The following RRBP1 variants were observed in gnomAD, a reference collection of about 807,000 sequenced individuals.
RRBP1 encodes ribosome binding protein 1, also known as ribosome-binding protein 1.
In RRBP1, 94 loss-of-function variants were observed where a neutral mutation model predicts 165.2. That is an observed-to-expected ratio of 0.57 (90% CI 0.48 to 0.68). The LOEUF is 0.68. Among genes scored for constraint, RRBP1 ranks in the 30% least tolerant of loss-of-function variants. RRBP1 has a pLI of 0.00. For synonymous variants in RRBP1, 680 were observed against 714.5 expected (o/e 0.95, Z 0.77); for missense variants, 1,676 against 1,763.0 (o/e 0.95, Z 0.88).
At position 17,675,394 on chromosome 20, in the gene RRBP1, T is replaced by C. The variant is rs545046551; in HGVS notation, c.-22+4605A>G. On this transcript the variant is annotated intron_variant, in intron 2 of 24. Transcript: ENST00000377813. ...AGAATGGGCACCTATTGCATGCTAGTCACTGCCCTCGACACTGGATATACC... is the reference window on the plus strand; with the variant it reads ...AGAATGGGCACCTATTGCATGCTAGCCACTGCCCTCGACACTGGATATACC... Among the ~76,000 whole-genome samples the C allele has an allele frequency of 1.5e-3, 221 of 152,342 alleles. 2 individuals are homozygous for C. The highest frequency in any genetic ancestry group is 2.5e-3 in the Non-Finnish European group (170 of 68,040).
chr20:17,634,699 ATT>A (rs565751021), intron 7 of RRBP1, among the ~76,000 whole-genome samples: 52 of 152,286 alleles, frequency 3.4e-4, no homozygotes, highest in African/African-American at 9.9e-4. Flanking sequence ...ACGCCAGAGA[ATT>A]TCTCAGTCCC....
At chr20:17,674,695 C>G (rs1296076151) in intron 2 of RRBP1, among the ~76,000 whole-genome samples, 2 of 152,058 alleles carry the variant, frequency 1.3e-5, no homozygotes, top group African/African-American at 2.4e-5. Flanking sequence ...GAGGGCAGAG[C>G]TTGCAGTGAG....
rs1290062415 is a variant in RRBP1 at position 17,658,965 on chromosome 20, C to A, written c.1543G>T (p.Ala515Ser). 1.9e-6 allele frequency: 3 copies of A among 1,612,482 alleles called. No individual in the cohort carries two copies. The highest frequency in any genetic ancestry group is 2.5e-6 in the Non-Finnish European group (3 of 1,179,740). ...AQNQGQKGEG[A>S]QNQGKKTEGA... ...TCTGTCTTTTTACCCTGATTCTGGG[C>A]TCCCTCTCCTTTTTGGCCCTGGTTC... Residue 515 changes from alanine (A) to serine (S), a missense_variant, in exon 3 of 25, where the codon GCC becomes TCC. By Grantham distance (99) the Ala-to-Ser change is moderately conservative (BLOSUM62 1). Around this residue, in one of 5 missense-constraint regions of RRBP1, gnomAD observed 1,184 missense variants for 1,167.1 expected, o/e 1.01. Transcript: ENST00000377813.
intron 3 of RRBP1, among the ~76,000 whole-genome samples, chr20:17,646,844 G>A (rs186695186): frequency 6.6e-6 from 1 of 152,264 alleles, no homozygotes; most frequent in Admixed American, 6.5e-5. Flanking sequence ...GATCCCCCAT[G>A]GCCAGGGCTC....
intron 3 of RRBP1, among the ~76,000 whole-genome samples, chr20:17,644,672 T>C (rs1007680852): frequency 3.3e-5 from 5 of 152,206 alleles, no homozygotes; most frequent in African/African-American, 1.2e-4. Flanking sequence ...AAAAGCGTCC[T>C]GCGCCGTCCG....
At chr20:17,681,507 C>G (rs1427515282) in intron 1 of RRBP1, among the ~76,000 whole-genome samples, 1 of 145,684 alleles carries the variant, frequency 6.9e-6, no homozygotes, top group Admixed American at 6.8e-5. Context: ...CCATTCAATC[C>G]CGCCCTCCTC....
At position 17,641,897 on chromosome 20, in the gene RRBP1, A is replaced by C; in HGVS notation, c.2084T>G (p.Val695Gly). Residue 695 changes from valine to glycine, a missense_variant, in exon 5 of 25, where the codon GTG becomes GGG. This residue lies in a region of RRBP1 where 1,184 missense variants were observed against 1,167.1 expected (regional missense o/e 1.01). Transcript: ENST00000377813. ...WHKATQKGDP[V>G]AILKRQLEEK... ...TTCCAGCTGGCGTTTCAGAATCGCC[A>C]CAGGGTCACCCTTCTGAGTGGCCTA... The C allele has an allele frequency of 6.2e-7, 1 of 1,614,026 alleles. No individual in the cohort carries two copies. The highest frequency in any genetic ancestry group is 8.5e-7 in the Non-Finnish European group (1 of 1,179,932).
rs771325058 is a variant in RRBP1 at position 17,636,681 on chromosome 20, T to G, written c.2233A>C (p.Lys745Gln). 6.2e-7 allele frequency: 1 copy of G among 1,613,406 alleles called. No individual in the cohort carries two copies. Among genetic ancestry groups the G allele is most frequent in the Non-Finnish European group, 8.5e-7 (1 of 1,180,032 alleles). The change falls in exon 6 of 25, where the codon AAA becomes CAA. Residue 745 changes from lysine (K) to glutamine (Q), a missense_variant. Physicochemically the swap from Lys to Gln is moderately conservative, Grantham distance 53. Transcript: ENST00000377813. ...TGCTCCCGGGCCACCAGCTGCTTTT[T>G]CACTTTGGCCTCCCCGGCTGCTGCT... is the stretch of plus-strand genomic sequence containing the variant. Reference protein sequence around the residue: ...AKAAAGEAKVKKQLVAREQEI... With the variant: ...AKAAAGEAKVQKQLVAREQEI...
Position 17,616,722 on chromosome 20 carries a change from C to A in RRBP1, c.3867+10G>T, listed in dbSNP as rs752533144. On this transcript the variant is annotated intron_variant, in intron 21 of 24. Coordinates refer to ENST00000377813, the MANE Select transcript of RRBP1 (RefSeq NM_001365613.2). ...AGTGATGTGTCTGGGGACCAGCTCA[C>A]CGCCCTAACCTGAACGGGGTCCTGC... The A allele has an allele frequency of 6.3e-7, 1 of 1,589,714 alleles. No individual in the cohort carries two copies. The highest frequency in any genetic ancestry group is 1.7e-5 in the Admixed American group (1 of 57,222).
At chr20:17,675,194 G>A (rs2037054852) in intron 2 of RRBP1, among the ~76,000 whole-genome samples, 1 of 152,274 alleles carries the variant, frequency 6.6e-6, no homozygotes, top group Non-Finnish European at 1.5e-5. Flanking sequence ...CTCTGCATGT[G>A]ACTGTCAATT....
intron 2 of RRBP1, among the ~76,000 whole-genome samples, chr20:17,664,180 C>CA (rs1244362293): frequency 6.6e-6 from 1 of 152,168 alleles, no homozygotes; most frequent in African/African-American, 2.4e-5. Flanking sequence ...AAGGGTGACT[C>CA]AAACACACGC....
intron 3 of RRBP1, among the ~76,000 whole-genome samples, chr20:17,649,839 G>GC (rs1600759804): frequency 6.6e-6 from 1 of 152,070 alleles, no homozygotes; most frequent in Non-Finnish European, 1.5e-5. Context: ...GAGCTCACAG[G>GC]CCCCCTCCCA....
At chr20:17,629,333 T>C (rs1171345455) in intron 9 of RRBP1, among the ~76,000 whole-genome samples, 1 of 152,214 alleles carries the variant, frequency 6.6e-6, no homozygotes, top group Non-Finnish European at 1.5e-5. Context: ...ACCCTTTCCA[T>C]GATCGACTGC....
At chr20:17,674,967 G>A (rs1249652827) in intron 2 of RRBP1, among the ~76,000 whole-genome samples, 2 of 152,218 alleles carry the variant, frequency 1.3e-5, no homozygotes, top group Non-Finnish European at 2.9e-5. Flanking sequence ...GATGCTCACA[G>A]CCAAGTCTCC....
At chr20:17,651,273 C>A (rs1238495291) in intron 3 of RRBP1, among the ~76,000 whole-genome samples, 1 of 152,190 alleles carries the variant, frequency 6.6e-6, no homozygotes, top group South Asian at 2.1e-4. Context: ...AGTCAGAAAA[C>A]AAATCTTGTG....
intron 2 of RRBP1, among the ~76,000 whole-genome samples, chr20:17,675,542 G>A (rs1185533997): frequency 2.7e-5 from 4 of 149,748 alleles, no homozygotes; most frequent in Admixed American, 2.7e-4. Flanking sequence ...CAGAGAAGGG[G>A]GGCAGGGAGT....
intron 1 of RRBP1, 104 bp downstream of exon 1, chr20:17,681,924 G>A (rs911113914): frequency 6.8e-6 from 1 of 147,274 alleles, no homozygotes; most frequent in African/African-American, 2.4e-5. Context: ...CCGGGGGAGG[G>A]GCCGCCGAGG....
In RRBP1 at chr20:17,643,385, C is replaced by G. The variant is rs1040635721; in HGVS notation, c.1913-258G>C. On this transcript the variant is annotated intron_variant, in intron 3 of 24. Coordinates refer to ENST00000377813, the MANE Select transcript of RRBP1 (RefSeq NM_001365613.2). The surrounding 1 kb of genome is among the most constrained non-coding windows in gnomAD (Gnocchi z 4.3). ...GTCCCAGCCTGGGGTGGAAGTAGAG[C>G]TCCTCTTTTTTTTTTTCCACCATCA... Among the ~76,000 whole-genome samples the G allele has an allele frequency of 5.9e-5, 9 of 151,978 alleles. No homozygotes were observed. Among genetic ancestry groups the G allele is most frequent in the Non-Finnish European group, 1.3e-4 (9 of 67,952 alleles).
intron 23 of RRBP1, among the ~76,000 whole-genome samples, chr20:17,615,165 T>C (rs915233297): frequency 6.6e-6 from 1 of 152,258 alleles, no homozygotes; most frequent in African/African-American, 2.4e-5. Context: ...TACTGAGCGC[T>C]GGACGTGTGG....
Sources: gnomAD v4.1 joint callset for allele counts (sites outside exome capture counted in the v4.1 genomes callset) on GRCh38, gnomAD v4.1.1 for gene constraint, gnomAD v4.1.1 regional missense constraint, Gnocchi (gnomAD v3.1) non-coding constraint, MANE v1.5 for transcripts, NCBI Gene and HGNC (gene_info 2026-07-23, HGNC 2026-07-21) for gene names.